The following NSRP1 variants were observed in gnomAD, a reference collection of about 807,000 sequenced individuals.
NSRP1 encodes coiled-coil domain containing 55.
Under a neutral mutation model 54.7 loss-of-function variants are expected in NSRP1, and 24 were observed. That is an observed-to-expected ratio of 0.44 (90% CI 0.32 to 0.62). NSRP1 has a LOEUF of 0.62. Among genes scored for constraint, NSRP1 ranks in the 20% least tolerant of loss-of-function variants. NSRP1 has a pLI of 0.06. For synonymous variants in NSRP1, 210 were observed against 213.8 expected (o/e 0.98, Z 0.15); for missense variants, 596 against 651.2 (o/e 0.92, Z 0.92).
chr17:30,172,012 T>TCTCTCTCTCC (rs1904965066), intron 2 of NSRP1, among the ~76,000 whole-genome samples: 1 of 76,942 alleles, frequency 1.3e-5, no homozygotes, highest in African/African-American at 3.1e-5. Context: ...TCTCTCTCTC[T>TCTCTCTCTCC]CTCACATGTT....
At chr17:30,152,038 G>A (rs954244185) in intron 2 of NSRP1, among the ~76,000 whole-genome samples, 2 of 152,036 alleles carry the variant, frequency 1.3e-5, no homozygotes, top group Admixed American at 1.3e-4. Flanking sequence ...CAAATGGTGG[G>A]ATTACAGGCG....
chr17:30,152,903 C>CTTTTTTTTTTT (rs60246615), intron 2 of NSRP1, among the ~76,000 whole-genome samples: 2 of 46,914 alleles, frequency 4.3e-5, no homozygotes, highest in Admixed American at 4.2e-4. Flanking sequence ...TTATTTTCAG[C>CTTTTTTTTTTT]TTTTTTTTTT....
At chr17:30,142,087 C>A (rs982092450) in intron 2 of NSRP1, among the ~76,000 whole-genome samples, 2 of 152,170 alleles carry the variant, frequency 1.3e-5, no homozygotes, top group Admixed American at 6.5e-5. Context: ...TACTGTATTA[C>A]AAGAGGCTGT....
At chr17:30,183,633 G>A (rs1905395839) in intron 6 of NSRP1, among the ~76,000 whole-genome samples, 1 of 152,174 alleles carries the variant, frequency 6.6e-6, no homozygotes, top group Non-Finnish European at 1.5e-5. Context: ...TGATTAGTAA[G>A]TGATTAGTAA....
intron 2 of NSRP1, among the ~76,000 whole-genome samples, chr17:30,143,216 A>C (rs541902396): frequency 6.6e-6 from 1 of 152,116 alleles, no homozygotes; most frequent in Non-Finnish European, 1.5e-5. Context: ...ATAATCCCTC[A>C]TCTCACTCCT....
intron 1 of NSRP1, chr17:30,117,615 C>A: frequency 2.8e-6 from 1 of 350,990 alleles, no homozygotes; most frequent in Non-Finnish European, 5.1e-6. Flanking sequence ...TCGTGAGTTA[C>A]ACTATCCAGT....
intron 2 of NSRP1, among the ~76,000 whole-genome samples, chr17:30,155,165 A>G (rs774796731): frequency 1.3e-5 from 2 of 152,002 alleles, no homozygotes; most frequent in Admixed American, 6.6e-5. Context: ...TATGTGAGAT[A>G]TTTTGGTACG....
At chr17:30,138,281 A>G (rs76023957) in intron 2 of NSRP1, among the ~76,000 whole-genome samples, 4,828 of 152,268 alleles carry the variant, frequency 0.032, 223 homozygotes, top group African/African-American at 0.11. Flanking sequence ...GCTGCTATGA[A>G]CATGGCTGTA....
intron 2 of NSRP1, among the ~76,000 whole-genome samples, chr17:30,146,938 C>T (rs1429300267): frequency 1.3e-5 from 2 of 152,204 alleles, no homozygotes; most frequent in Non-Finnish European, 2.9e-5. Flanking sequence ...TGCTTCATCT[C>T]TTCTAGTCCT....
rs764209337 is a variant in NSRP1 at position 30,184,668 on chromosome 17, A to G, written c.671A>G (p.Lys224Arg). Residue 224 changes from lysine to arginine, a missense_variant, in exon 7 of 7, where the codon AAA (lysine) becomes AGA (arginine). Lys to Arg is a conservative substitution (Grantham distance 26). Transcript: ENST00000247026. ...GGCTTCTCCAATGAAGTAAGTTCAA[A>G]AAACAGAATACCACAAGAGAAATGC... ...SRGFSNEVSS[K>R]NRIPQEKCIL... The G allele has an allele frequency of 6.2e-7, 1 of 1,600,782 alleles. No homozygotes were observed. Among genetic ancestry groups the G allele is most frequent in the Non-Finnish European group, 8.5e-7 (1 of 1,174,408 alleles).
intron 2 of NSRP1, chr17:30,154,574 G>A (rs1336312440): frequency 2.0e-5 from 3 of 151,730 alleles, no homozygotes; most frequent in African/African-American, 4.8e-5. Flanking sequence ...TTACCTGTGT[G>A]TAGTGGTACA....
intron 2 of NSRP1, among the ~76,000 whole-genome samples, chr17:30,172,128 T>TA (rs1368725277): frequency 6.6e-6 from 1 of 152,182 alleles, no homozygotes; most frequent in Non-Finnish European, 1.5e-5. Flanking sequence ...TTTTCTCTGA[T>TA]ACCTTATAAT....
intron 2 of NSRP1, chr17:30,154,733 G>T (rs987578984): frequency 6.6e-6 from 1 of 151,434 alleles, no homozygotes; most frequent in Non-Finnish European, 1.5e-5. Flanking sequence ...AAGAAGAAAA[G>T]AAAAAGAAAG....
chr17:30,131,511 A>G (rs1394508488), intron 2 of NSRP1, among the ~76,000 whole-genome samples: 2 of 151,500 alleles, frequency 1.3e-5, no homozygotes, highest in Admixed American at 6.6e-5. Context: ...TGTTTATGCT[A>G]TGCTGTAGTT....
intron 1 of NSRP1, chr17:30,117,326 A>G (rs562891814): frequency 1.4e-4 from 80 of 566,398 alleles, no homozygotes; most frequent in African/African-American, 1.3e-3. Context: ...GAAGCCACAG[A>G]AAAAGGGTAG....
Position 30,176,495 on chromosome 17 carries a change from A to G in NSRP1, c.172-1576A>G, listed in dbSNP as rs150594090. Among the ~76,000 whole-genome samples the G allele has an allele frequency of 2.1e-4, 32 of 151,884 alleles. 2 individuals carry two copies. The East Asian group carries it at 6.2e-3, about 30-fold the overall frequency. On this transcript the variant is annotated intron_variant, in intron 3 of 6. Transcript: ENST00000247026. ...CATGGTAGCAGGTGCCTGTAATCCT[A>G]GCTACTCAGGAGGCTGAGGCAGGGG...
At position 30,185,715 on chromosome 17, in the gene NSRP1, T is replaced by A. The variant is rs1369784389; in HGVS notation, c.*41T>A. 6.7e-7 allele frequency: 1 copy of A among 1,486,320 alleles called. No homozygotes were observed. The highest frequency in any genetic ancestry group is 1.5e-5 in the South Asian group (1 of 66,252). The allele number at this position is 1,486,320 out of a possible 1,614,324, so 92.1% of individuals were successfully genotyped here. A position where few individuals can be genotyped will look rare whatever the true frequency, so the allele number is the denominator to read the frequency against. ...AAAGATTTAAGGAAGCACAGAAAAC[T>A]GTAATTCCTGGAACCTGCTGCGTAA... is the stretch of plus-strand genomic sequence containing the variant. On this transcript the variant is annotated 3_prime_UTR_variant, in exon 7 of 7. Coordinates refer to ENST00000247026, the MANE Select transcript of NSRP1 (RefSeq NM_032141.4).
At chr17:30,120,652 C>T (rs2071588819) in intron 2 of NSRP1, among the ~76,000 whole-genome samples, 1 of 152,184 alleles carries the variant, frequency 6.6e-6, no homozygotes, top group Non-Finnish European at 1.5e-5. Context: ...AACTAATATA[C>T]TGAGGATTCC....
chr17:30,149,889 G>A (rs2071890215), intron 2 of NSRP1, among the ~76,000 whole-genome samples: 1 of 148,906 alleles, frequency 6.7e-6, no homozygotes, highest in African/African-American at 2.5e-5. Flanking sequence ...TATATTCACA[G>A]AATTGTGCAG....
Sources: gnomAD v4.1 joint callset for allele counts (sites outside exome capture counted in the v4.1 genomes callset) on GRCh38, gnomAD v4.1.1 for gene constraint, MANE v1.5 for transcripts, NCBI Gene and HGNC (gene_info 2026-07-23, HGNC 2026-07-21) for gene names.